The following PIWIL1 variants were observed in gnomAD, a reference collection of about 807,000 sequenced individuals.
The protein encoded by PIWIL1 is piwi-like protein 1.
A neutral mutation model predicts 114.4 loss-of-function variants in PIWIL1; 73 were observed. The ratio of observed to expected loss-of-function variants is 0.64; its 90% CI spans 0.53 to 0.78. The LOEUF is 0.78. Ranked by LOEUF, PIWIL1 falls within the 30% of genes least tolerant of loss-of-function variation. The pLI is 0.00. For missense variants in PIWIL1, 723 were observed against 1,063.1 expected, an observed-to-expected ratio of 0.68 and a Z score of 4.45; for synonymous variants, 375 against 369.0, an observed-to-expected ratio of 1.02 and a Z score of -0.19.
the PIWIL1 span, among the ~76,000 whole-genome samples, chr12:130,387,647 A>AC: frequency 3.6e-5 from 3 of 82,446 alleles, no homozygotes; most frequent in African/African-American, 9.7e-5. Context: ...CATGCACACC[A>AC]CCCCTTCCTG....
At chr12:130,346,877 T>A (rs868119194) in intron 5 of PIWIL1, 64 bp from the exon 6 acceptor site, 3 of 1,569,436 alleles carry the variant, frequency 1.9e-6, no homozygotes, top group Non-Finnish European at 1.7e-6. Flanking sequence ...GCAAGCAGTA[T>A]GTGATTGGGC....
the PIWIL1 span, among the ~76,000 whole-genome samples, chr12:130,422,074 GC>G: frequency 6.6e-6 from 1 of 152,146 alleles, no homozygotes; most frequent in African/African-American, 2.4e-5. The surrounding 1 kb of genome is among the most constrained non-coding windows in gnomAD (Gnocchi z 5.2). Flanking sequence ...CTCGGGTGGG[GC>G]TCACAGACCC....
the PIWIL1 span, among the ~76,000 whole-genome samples, chr12:130,388,648 T>C: frequency 6.6e-6 from 1 of 152,218 alleles, no homozygotes; most frequent in Non-Finnish European, 1.5e-5. Flanking sequence ...TTCATAATTT[T>C]CTGTGTACTG....
At chr12:130,348,311 T>C in intron 7 of PIWIL1, 128 bp downstream of exon 7, 1 of 582,172 alleles carries the variant, frequency 1.7e-6, no homozygotes, top group Non-Finnish European at 3.0e-6. Flanking sequence ...TATGTGACTA[T>C]TTAACTTGAA....
intron 1 of PIWIL1, among the ~76,000 whole-genome samples, chr12:130,340,393 G>T (rs1206393291): frequency 6.6e-6 from 1 of 152,018 alleles, no homozygotes; most frequent in Non-Finnish European, 1.5e-5. Context: ...GGATGGTTTC[G>T]GGATGAAACG....
the PIWIL1 span, among the ~76,000 whole-genome samples, chr12:130,401,026 G>A: frequency 1.3e-5 from 2 of 152,246 alleles, no homozygotes; most frequent in African/African-American, 4.8e-5. Context: ...TTGCAAGATG[G>A]AAAGAGTTCT....
At chr12:130,392,036 GTGAATATTGAATGTTGTGATGA>G in the PIWIL1 span, among the ~76,000 whole-genome samples, 1 of 149,830 alleles carries the variant, frequency 6.7e-6, no homozygotes, top group African/African-American at 2.5e-5. Flanking sequence ...CAGTTACCTG[GTGAATATTGAATGTTGTGATGA>G]CCCGGTCACC....
chr12:130,380,053 CCACTTCCCATCCAAGCATTGA>C, the PIWIL1 span, among the ~76,000 whole-genome samples: 149 of 107,450 alleles, frequency 1.4e-3, 19 homozygotes, highest in African/African-American at 7.1e-3. Context: ...CTCCCTCATC[CCACTTCCCATCCAAGCATTGA>C]CAGTTCCTTC....
At chr12:130,423,377 C>A in the PIWIL1 span, among the ~76,000 whole-genome samples, 279 of 152,296 alleles carry the variant, frequency 1.8e-3, 4 homozygotes, top group East Asian at 0.049. Flanking sequence ...CCTGGGTGGG[C>A]CCATCGCAAG....
intron 9 of PIWIL1, among the ~76,000 whole-genome samples, chr12:130,353,054 C>T (rs773356093): frequency 6.6e-6 from 1 of 152,216 alleles, no homozygotes; most frequent in Non-Finnish European, 1.5e-5. Flanking sequence ...AGGACCTTGC[C>T]ATATGCTAGG....
intron 18 of PIWIL1, among the ~76,000 whole-genome samples, chr12:130,363,374 A>G (rs568498995): frequency 1.3e-5 from 2 of 152,224 alleles, no homozygotes; most frequent in East Asian, 3.9e-4. Context: ...GGACAGTAAG[A>G]CACCATTACC....
downstream of PIWIL1, among the ~76,000 whole-genome samples, chr12:130,377,257 G>A (rs1350623995): frequency 1.3e-5 from 2 of 152,172 alleles, no homozygotes; most frequent in African/African-American, 2.4e-5. Context: ...TTTATTGAAC[G>A]GATAGGTGAA....
At chr12:130,359,379 A>T (rs1190879198) in intron 14 of PIWIL1, among the ~76,000 whole-genome samples, 2 of 152,162 alleles carry the variant, frequency 1.3e-5, no homozygotes, top group African/African-American at 2.4e-5. Flanking sequence ...GCAGAAGTGA[A>T]AGCACAGCCG....
chr12:130,374,239 G>A (rs2073849308), downstream of PIWIL1, among the ~76,000 whole-genome samples: 1 of 152,264 alleles, frequency 6.6e-6, no homozygotes, highest in East Asian at 1.9e-4. Flanking sequence ...ACACAGTGAC[G>A]GCTCTGGCTC....
At chr12:130,424,765 C>T in the PIWIL1 span, 322 of 1,232,534 alleles carry the variant, frequency 2.6e-4, 2 homozygotes, top group Non-Finnish European at 3.1e-4. This position sits in a 1 kb window ranked among gnomAD's most constrained non-coding sequence, Gnocchi z 9.8. Context: ...TCCGCTACTT[C>T]GGGGATACTG....
the PIWIL1 span, chr12:130,399,804 T>A: frequency 6.2e-7 from 1 of 1,614,156 alleles, no homozygotes; most frequent in Non-Finnish European, 8.5e-7. Flanking sequence ...TTCTGCCCAT[T>A]CAGCTCCCCC....
the PIWIL1 span, among the ~76,000 whole-genome samples, chr12:130,403,310 A>G: frequency 6.6e-6 from 1 of 152,338 alleles, no homozygotes; most frequent in African/African-American, 2.4e-5. Context: ...GTGGTAAATA[A>G]AAAGAAGCAT....
chr12:130,367,320 C>T, intron 19 of PIWIL1, 62 bp downstream of exon 19: 1 of 1,420,512 alleles, frequency 7.0e-7, no homozygotes, highest in Non-Finnish European at 9.5e-7. Flanking sequence ...TTTAGCATGG[C>T]CCCTATGCTT....
chr12:130,406,216 T>C, the PIWIL1 span: 28 of 1,604,590 alleles, frequency 1.7e-5, no homozygotes, highest in Non-Finnish European at 2.2e-5. Flanking sequence ...ACTGTAATAA[T>C]ATCTCCTGTG....
Sources: allele counts gnomAD v4.1 joint callset (sites outside exome capture counted in the v4.1 genomes callset), GRCh38; gene constraint gnomAD v4.1.1; non-coding constraint Gnocchi (gnomAD v3.1); transcripts MANE v1.5; gene names NCBI Gene and HGNC (gene_info 2026-07-23, HGNC 2026-07-21).